The following ARPC3 variants were observed in gnomAD, a reference collection of about 807,000 sequenced individuals.
ARPC3 encodes actin related protein 2/3 complex subunit 3, also known as actin-related protein 2/3 complex subunit 3.
A neutral mutation model predicts 27.6 loss-of-function variants in ARPC3; 12 were observed. The ratio of observed to expected loss-of-function variants is 0.43; its 90% CI spans 0.28 to 0.70. ARPC3 has a LOEUF of 0.70. ARPC3 is among the 30% of genes least tolerant of loss of function. The pLI is 0.17. For synonymous variants in ARPC3, 53 were observed against 67.2 expected (o/e 0.79, Z 1.03); for missense variants, 153 against 207.7 (o/e 0.74, Z 1.62).
chr12:110,447,886 CTTTTTTTTTTT>C (rs796202139), intron 1 of ARPC3, among the ~76,000 whole-genome samples: 3 of 107,202 alleles, frequency 2.8e-5, no homozygotes, highest in East Asian at 2.7e-4. Flanking sequence ...ATTTAGAGTC[CTTTTTTTTTTT>C]TTTTTTTTTT....
In ARPC3 at chr12:110,436,719, C is replaced by T. The variant is rs12819334; in HGVS notation, c.253-36G>A. ...AAATATATATATATATATACACACA[C>T]ACACACACACACACACACACACACA... On this transcript the variant is annotated intron_variant, in intron 4 of 6. Coordinates refer to ENST00000228825, the MANE Select transcript of ARPC3 (RefSeq NM_001278556.2). 1.5e-3 allele frequency: 1,229 copies of T among 803,330 alleles called. 7 individuals are homozygous for T. Among genetic ancestry groups the T allele is most frequent in the African/African-American group, 4.6e-3 (248 of 53,340 alleles). 49.8% of individuals were successfully genotyped at this position (803,330 alleles called of 1,614,324 possible). A position where few individuals can be genotyped will look rare whatever the true frequency, so the allele number is the denominator to read the frequency against.
chr12:110,444,469 G>A (rs184880357), intron 2 of ARPC3, among the ~76,000 whole-genome samples: 24 of 152,096 alleles, frequency 1.6e-4, no homozygotes, highest in Non-Finnish European at 1.0e-4. Context: ...ATTTTTAGTA[G>A]AGTTGGGGTT....
chr12:110,446,454 C>T (rs573471266), intron 1 of ARPC3, among the ~76,000 whole-genome samples: 2 of 151,800 alleles, frequency 1.3e-5, no homozygotes, highest in African/African-American at 2.4e-5. Context: ...TAAGCCACCA[C>T]GCCCAGCTAA....
chr12:110,441,278 A>G (rs372201357), intron 2 of ARPC3, among the ~76,000 whole-genome samples: 1 of 151,650 alleles, frequency 6.6e-6, no homozygotes, highest in East Asian at 1.9e-4. Flanking sequence ...GATTATACGC[A>G]TGTACCACCA....
In ARPC3 at chr12:110,445,451, C is replaced by T. The variant is rs1215079397; in HGVS notation, c.106+1G>A. On this transcript the variant is annotated splice_donor_variant, in intron 2 of 6. Coordinates refer to ENST00000228825, the MANE Select transcript of ARPC3 (RefSeq NM_001278556.2). LOFTEE classifies it high-confidence loss of function. ...TTTGAAAATAATGGGTTTAGACTTA[C>T]TCTCTCTGGGGGCAGGTCCTTTGAA... is the stretch of plus-strand genomic sequence containing the variant. 1 of 1,601,230 alleles carries T rather than the reference C, an allele frequency of 6.2e-7. No homozygotes were observed. Among genetic ancestry groups the T allele is most frequent in the East Asian group, 2.2e-5 (1 of 44,820 alleles).
rs147636812 is a variant in ARPC3 at position 110,435,059 on chromosome 12, T to G, written c.*96A>C. 3.8e-3 allele frequency: 3,528 copies of G among 922,406 alleles called. 49 individuals are homozygous for G. The highest frequency in any genetic ancestry group is 0.031 in the African/African-American group (1,914 of 61,894). 57.1% of individuals were successfully genotyped at this position (922,406 alleles called of 1,614,324 possible). Reference sequence around the variant, plus strand: ...AGTAAAGACATGCTCTTCTCTCTTCTGTATAAAACTTTACGAAATAAAGGC... The same window carrying G: ...AGTAAAGACATGCTCTTCTCTCTTCGGTATAAAACTTTACGAAATAAAGGC... On this transcript the variant is annotated 3_prime_UTR_variant, in exon 7 of 7. Coordinates refer to ENST00000228825, the MANE Select transcript of ARPC3 (RefSeq NM_001278556.2).
chr12:110,446,525 G>C (rs372441150), intron 1 of ARPC3, among the ~76,000 whole-genome samples: 26 of 150,560 alleles, frequency 1.7e-4, no homozygotes, highest in African/African-American at 6.1e-4. Context: ...TCGAACTCCC[G>C]ACCTCAGGTG....
chr12:110,437,202 G>T (rs749736257), intron 3 of ARPC3, 50 bp from the exon 4 acceptor site: 2 of 1,227,830 alleles, frequency 1.6e-6, no homozygotes, highest in Non-Finnish European at 2.4e-6. Context: ...ACATAACAAT[G>T]ATGTGCAATG....
At chr12:110,448,144 T>C (rs962253401) in intron 1 of ARPC3, among the ~76,000 whole-genome samples, 4 of 152,012 alleles carry the variant, frequency 2.6e-5, no homozygotes, top group African/African-American at 9.7e-5. Context: ...CCTCCTAAAG[T>C]GTTGGGATTA....
chr12:110,436,664 C>A lies in ARPC3; in HGVS notation c.272G>T (p.Gly91Val), dbSNP rs1254503518. The change falls in exon 5 of 7, where the codon GGT becomes GTT. Residue 91 changes from glycine to valine, a missense_variant. Transcript: ENST00000228825. ...TCCCAGCGTATACATTTCTTTCTCACCTTGGCTTTTGGAATTGCACTGGAA... is the reference window on the plus strand; with the variant it reads ...TCCCAGCGTATACATTTCTTTCTCAACTTGGCTTTTGGAATTGCACTGGAA... ...KLQKCNSKSQGEKEMYTLGIT... is the reference protein window; with the variant it reads ...KLQKCNSKSQVEKEMYTLGIT... 1 of 1,599,518 alleles carries A rather than the reference C, an allele frequency of 6.3e-7. No individual in the cohort carries two copies. Among genetic ancestry groups the A allele is most frequent in the South Asian group, 1.1e-5 (1 of 90,722 alleles).
chr12:110,449,146 CTT>C (rs1414664785), intron 1 of ARPC3, among the ~76,000 whole-genome samples: 1 of 152,126 alleles, frequency 6.6e-6, no homozygotes, highest in Admixed American at 6.6e-5. Context: ...TATGTTTACA[CTT>C]TTATTGTCTC....
At chr12:110,441,655 C>A (rs2062438343) in intron 2 of ARPC3, among the ~76,000 whole-genome samples, 1 of 151,818 alleles carries the variant, frequency 6.6e-6, no homozygotes, top group South Asian at 2.1e-4. Flanking sequence ...TTCAGCTTCC[C>A]AGGTAGCCGG....
At chr12:110,442,928 G>A in intron 2 of ARPC3, 1 of 152,150 alleles carries the variant, frequency 6.6e-6, no homozygotes, top group Non-Finnish European at 1.5e-5. Context: ...TTGATATCTG[G>A]CAGTTGGTTT....
At chr12:110,445,329 C>A in intron 2 of ARPC3, 123 bp downstream of exon 2, 1 of 771,882 alleles carries the variant, frequency 1.3e-6, no homozygotes. Flanking sequence ...ACAGTATCTA[C>A]CAAGCAAAGT....
In ARPC3 at chr12:110,441,576, G is replaced by A. The variant is rs751907075; in HGVS notation, c.107-1188C>T. Among the ~76,000 whole-genome samples the A allele has an allele frequency of 2.0e-5, 3 of 151,990 alleles. No individual in the cohort carries two copies. In the East Asian group the frequency reaches 5.8e-4, roughly 29 times the overall value. On this transcript the variant is annotated intron_variant, in intron 2 of 6. Coordinates refer to ENST00000228825, the MANE Select transcript of ARPC3 (RefSeq NM_001278556.2). ...AGAGAGGTCTTGCTCTGTTACCCGGGCTGGAGTGCAGTGGTACAATTATAA... is the reference window on the plus strand; with the variant it reads ...AGAGAGGTCTTGCTCTGTTACCCGGACTGGAGTGCAGTGGTACAATTATAA...
At chr12:110,447,426 T>C (rs2062470997) in intron 1 of ARPC3, among the ~76,000 whole-genome samples, 2 of 152,172 alleles carry the variant, frequency 1.3e-5, no homozygotes, top group South Asian at 4.1e-4. Context: ...GATATAGTAA[T>C]ATACAAAGTA....
chr12:110,441,957 G>A (rs921033485), intron 2 of ARPC3, among the ~76,000 whole-genome samples: 10 of 151,196 alleles, frequency 6.6e-5, no homozygotes, highest in African/African-American at 1.9e-4. Flanking sequence ...GCTTGAACTC[G>A]CGGGTGGAGG....
At chr12:110,439,073 C>G (rs754500098) in intron 3 of ARPC3, among the ~76,000 whole-genome samples, 1 of 150,884 alleles carries the variant, frequency 6.6e-6, no homozygotes, top group Non-Finnish European at 1.5e-5. Context: ...GCAACCATCA[C>G]CTCCTGGGTT....
intron 2 of ARPC3, 118 bp downstream of exon 2, chr12:110,445,334 C>T (rs1223663543): frequency 1.0e-5 from 8 of 802,538 alleles, no homozygotes; most frequent in Non-Finnish European, 1.7e-5. Context: ...ATCTACCAAG[C>T]AAAGTACAAG....
Sources: allele counts gnomAD v4.1 joint callset (sites outside exome capture counted in the v4.1 genomes callset), GRCh38; gene constraint gnomAD v4.1.1; transcripts MANE v1.5; gene names NCBI Gene and HGNC (gene_info 2026-07-23, HGNC 2026-07-21).